The following NFKB1 variants were observed in gnomAD, a reference collection of about 807,000 sequenced individuals.
The protein encoded by NFKB1 is nuclear factor NF-kappa-B p105 subunit.
NFKB1 carries 9 observed loss-of-function variants against 105.1 expected under a neutral mutation model. The observed-to-expected ratio is 0.09, with a 90% CI of 0.05 to 0.15. The LOEUF is 0.15. Ranked by LOEUF, NFKB1 falls within the 10% of genes least tolerant of loss-of-function variation. The pLI, the probability that NFKB1 is intolerant of heterozygous loss-of-function variation, is 1.00. For synonymous variants in NFKB1, 440 were observed against 442.2 expected, an observed-to-expected ratio of 1.00 and a Z score of 0.06; for missense variants, 830 against 1,203.7, an observed-to-expected ratio of 0.69 and a Z score of 4.59.
chr4:102,596,461 A>G, intron 14 of NFKB1, 129 bp downstream of exon 14: 2 of 666,440 alleles, frequency 3.0e-6, no homozygotes, highest in Non-Finnish European at 2.2e-6. Context: ...AAAGTTCTGT[A>G]TGCCTTTGGA....
chr4:102,546,775 A>G (rs375208603), intron 5 of NFKB1, among the ~76,000 whole-genome samples: 1 of 152,202 alleles, frequency 6.6e-6, no homozygotes, highest in Non-Finnish European at 1.5e-5. Flanking sequence ...TCTCAGGGCT[A>G]TAGTTTCTGT....
intron 3 of NFKB1, among the ~76,000 whole-genome samples, chr4:102,531,475 A>T (rs1216270791): frequency 2.0e-5 from 3 of 152,164 alleles, no homozygotes; most frequent in Non-Finnish European, 1.5e-5. Flanking sequence ...CTAAACCAAT[A>T]TTAACTTGTA....
chr4:102,560,031 C>T lies in NFKB1; in HGVS notation c.259-6956C>T, dbSNP rs143335259. On this transcript the variant is annotated intron_variant, in intron 5 of 23. Coordinates refer to ENST00000226574, the MANE Select transcript of NFKB1 (RefSeq NM_003998.4). ...ATACATTATTTTCTGTTTAAAAATC[C>T]ACACAACTGGCAAAAAAAAGTGACA... is the stretch of plus-strand genomic sequence containing the variant. 7.6e-3 allele frequency among the ~76,000 whole-genome samples: 1,157 copies of T among 151,582 alleles called. 5 individuals carry two copies. Among genetic ancestry groups the T allele is most frequent in the Non-Finnish European group, 0.012 (781 of 67,856 alleles).
intron 5 of NFKB1, among the ~76,000 whole-genome samples, chr4:102,546,933 G>A (rs937764863): frequency 6.6e-6 from 1 of 152,160 alleles, no homozygotes; most frequent in Non-Finnish European, 1.5e-5. Flanking sequence ...TCCCTGAATA[G>A]AGTAGGAAAC....
At chr4:102,558,956 GGTAGGGGTAGAGTGGTCA>G (rs1723192992) in intron 5 of NFKB1, among the ~76,000 whole-genome samples, 1 of 152,188 alleles carries the variant, frequency 6.6e-6, no homozygotes, top group Non-Finnish European at 1.5e-5. Context: ...TCAAAGTTTT[GGTAGGGGTAGAGTGGTCA>G]GTGAAGGCCA....
intron 3 of NFKB1, among the ~76,000 whole-genome samples, chr4:102,530,760 A>G (rs572242673): frequency 6.6e-6 from 1 of 152,284 alleles, no homozygotes; most frequent in Non-Finnish European, 1.5e-5. Flanking sequence ...TTACTACAGT[A>G]CTTACTTTTC....
chr4:102,540,570 A>G (rs941590829), intron 5 of NFKB1, among the ~76,000 whole-genome samples: 2 of 152,034 alleles, frequency 1.3e-5, no homozygotes, highest in Admixed American at 1.3e-4. Context: ...GTATCCATTT[A>G]TAAGCATTTA....
intron 2 of NFKB1, among the ~76,000 whole-genome samples, chr4:102,529,564 G>A (rs1741142219): frequency 6.6e-6 from 1 of 152,174 alleles, no homozygotes; most frequent in Non-Finnish European, 1.5e-5. Flanking sequence ...AGCTAGACCA[G>A]GTCCCTGCCT....
intron 9 of NFKB1, among the ~76,000 whole-genome samples, chr4:102,581,536 C>A (rs1226054367): frequency 6.6e-6 from 1 of 152,056 alleles, no homozygotes; most frequent in Non-Finnish European, 1.5e-5. Context: ...TGCCTGTAAT[C>A]CCAGCACTTT....
intron 5 of NFKB1, among the ~76,000 whole-genome samples, chr4:102,547,169 A>G (rs1280869771): frequency 6.6e-6 from 1 of 152,222 alleles, no homozygotes; most frequent in Non-Finnish European, 1.5e-5. Flanking sequence ...TGTTTGATAT[A>G]TAAATACAAA....
At chr4:102,549,704 A>G (rs1425077326) in intron 5 of NFKB1, among the ~76,000 whole-genome samples, 1 of 151,996 alleles carries the variant, frequency 6.6e-6, no homozygotes, top group African/African-American at 2.4e-5. Context: ...TTCCCCACCA[A>G]TCTGCTCTGC....
chr4:102,610,009 C>G lies in NFKB1; in HGVS notation c.2228-566C>G, dbSNP rs1029187820. On this transcript the variant is annotated intron_variant, in intron 19 of 23. Transcript: ENST00000226574. ...TTTTTGCTGGATGCTAAAGAGCAGA[C>G]TACATTTCCCAAAATATTTCAATAA... Among the ~76,000 whole-genome samples the G allele has an allele frequency of 2.6e-5, 4 of 152,216 alleles. No homozygotes were observed. In the South Asian group the frequency reaches 8.3e-4, roughly 32 times the overall value.
intron 5 of NFKB1, among the ~76,000 whole-genome samples, chr4:102,541,728 A>T (rs1408091750): frequency 6.6e-6 from 1 of 152,138 alleles, no homozygotes; most frequent in Admixed American, 6.6e-5. Context: ...GAGCATTTAC[A>T]TTTACAGGAA....
chr4:102,582,984 C>CA, intron 10 of NFKB1, 27 bp downstream of exon 10: 1 of 1,488,330 alleles, frequency 6.7e-7, no homozygotes, highest in Non-Finnish European at 9.3e-7. Flanking sequence ...TATTATTAAT[C>CA]CTTATTATTT....
At chr4:102,602,433 G>A (rs560622821) in intron 16 of NFKB1, among the ~76,000 whole-genome samples, 113 of 151,738 alleles carry the variant, frequency 7.4e-4, no homozygotes, top group Non-Finnish European at 1.3e-3. Flanking sequence ...CCAGCTACTC[G>A]GGAGGCTGAG....
chr4:102,585,338 G>A (rs1725630189), intron 11 of NFKB1, among the ~76,000 whole-genome samples: 1 of 152,202 alleles, frequency 6.6e-6, no homozygotes, highest in Non-Finnish European at 1.5e-5. Flanking sequence ...CATGGAATTA[G>A]TCTAGCTTTT....
At chr4:102,600,214 T>C (rs909392311) in intron 15 of NFKB1, among the ~76,000 whole-genome samples, 2 of 152,002 alleles carry the variant, frequency 1.3e-5, no homozygotes, top group African/African-American at 2.4e-5. Flanking sequence ...AAGGATGGAG[T>C]AGGCATTGTT....
intron 6 of NFKB1, among the ~76,000 whole-genome samples, chr4:102,572,688 C>T (rs888657831): frequency 3.3e-5 from 5 of 152,088 alleles, no homozygotes; most frequent in South Asian, 2.1e-4. Flanking sequence ...TTTTAATTTG[C>T]GTTTCTCTAG....
Position 102,612,063 on chromosome 4 carries a change from G to C in NFKB1, c.2372G>C (p.Gly791Ala), listed in dbSNP as rs748652265. Residue 791 changes from glycine to alanine, a missense_variant, in exon 21 of 24, where the codon GGG becomes GCG. This residue lies in a region of NFKB1 where 418 missense variants were observed against 575.3 expected (regional missense o/e 0.73). Coordinates refer to ENST00000226574, the MANE Select transcript of NFKB1 (RefSeq NM_003998.4). ...CAACAGGTATTTGACATATTAAATGGGAAACCATATGAGCCAGAGTTTACA... is the reference window on the plus strand; with the variant it reads ...CAACAGGTATTTGACATATTAAATGCGAAACCATATGAGCCAGAGTTTACA... ...TSWQVFDILN[G>A]KPYEPEFTSD... The C allele has an allele frequency of 3.1e-6, 5 of 1,614,040 alleles. No homozygotes were observed. In the East Asian group the frequency reaches 1.1e-4, roughly 36 times the overall value.
Sources: gnomAD v4.1 joint callset for allele counts (sites outside exome capture counted in the v4.1 genomes callset) on GRCh38, gnomAD v4.1.1 for gene constraint, gnomAD v4.1.1 regional missense constraint, MANE v1.5 for transcripts, NCBI Gene and HGNC (gene_info 2026-07-23, HGNC 2026-07-21) for gene names.